Variants in CEP85L observed in about 807,000 individuals in gnomAD.
CEP85L encodes the protein centrosomal protein 85L.
In CEP85L, 60 loss-of-function variants were observed where a neutral mutation model predicts 100.3. The ratio of observed to expected loss-of-function variants is 0.60; its 90% CI spans 0.49 to 0.74. The LOEUF (loss-of-function observed/expected upper bound fraction) is 0.74, where lower values mean the gene tolerates loss of function less well. CEP85L is among the 30% of genes least tolerant of loss of function. The pLI, the probability that CEP85L is intolerant of heterozygous loss-of-function variation, is 0.00. For missense variants in CEP85L, 973 were observed against 936.2 expected (o/e 1.04, Z -0.51); for synonymous variants, 319 against 322.7 (o/e 0.99, Z 0.12).
chr6:118,528,395 T>C (rs984854603), intron 3 of CEP85L, among the ~76,000 whole-genome samples: 1 of 152,044 alleles, frequency 6.6e-6, no homozygotes, highest in African/African-American at 2.4e-5. Flanking sequence ...AAACAAAATA[T>C]GAGAATGTAT....
At chr6:118,666,319 C>T (rs1776132730) in intron 1 of CEP85L, among the ~76,000 whole-genome samples, 1 of 152,150 alleles carries the variant, frequency 6.6e-6, no homozygotes, top group African/African-American at 2.4e-5. Context: ...AAGCTATAGT[C>T]TGCTACAATT....
chr6:118,614,687 T>C (rs1772894428), intron 2 of CEP85L, among the ~76,000 whole-genome samples: 1 of 151,780 alleles, frequency 6.6e-6, no homozygotes, highest in African/African-American at 2.4e-5. Flanking sequence ...CTATTGAAAA[T>C]AAAAAAATTA....
chr6:118,503,634 A>T (rs909694384), intron 5 of CEP85L, among the ~76,000 whole-genome samples: 1 of 152,178 alleles, frequency 6.6e-6, no homozygotes, highest in African/African-American at 2.4e-5. Context: ...AATAGGACAC[A>T]TAAATATAGT....
At chr6:118,669,081 A>C (rs1290923812) in intron 1 of CEP85L, among the ~76,000 whole-genome samples, 7 of 152,254 alleles carry the variant, frequency 4.6e-5, no homozygotes, top group Non-Finnish European at 1.0e-4. Flanking sequence ...AGTGTCTCTA[A>C]AAATATATAG....
intron 1 of CEP85L, among the ~76,000 whole-genome samples, chr6:118,642,906 T>G (rs935260417): frequency 6.6e-6 from 1 of 152,144 alleles, no homozygotes; most frequent in Non-Finnish European, 1.5e-5. Flanking sequence ...AAAAAAGCTG[T>G]GTTCAAAAAA....
rs59278037 is a variant in CEP85L, at chr6:118,600,300, GGTGTGTGTGTGTGTGTGTGT to G, written c.232+32133_232+32152del. ...CTGCCTGTCCCTGAGCCTTCCTGGG[GGTGTGTGTGTGTGTGTGTGT>G]GTGTGTGTGTGTGTGTGTGTGTGTG... is the stretch of plus-strand genomic sequence containing the variant. On this transcript the variant is annotated intron_variant, in intron 2 of 12. Coordinates refer to ENST00000368491, the MANE Select transcript of CEP85L (RefSeq NM_001042475.3). Among the ~76,000 whole-genome samples the G allele has an allele frequency of 6.1e-4, 32 of 52,246 alleles. 5 individuals carry two copies. The highest frequency in any genetic ancestry group is 4.9e-3 in the South Asian group (7 of 1,420). 34.3% of individuals were successfully genotyped at this position (52,246 alleles called of 152,430 possible).
chr6:118,496,676 A>G (rs896182841), intron 5 of CEP85L, among the ~76,000 whole-genome samples: 8 of 152,150 alleles, frequency 5.3e-5, no homozygotes, highest in African/African-American at 1.9e-4. Flanking sequence ...TTCTAAAGGT[A>G]GATTACTGGC....
At chr6:118,626,665 T>C (rs988544754) in intron 2 of CEP85L, among the ~76,000 whole-genome samples, 3 of 152,298 alleles carry the variant, frequency 2.0e-5, no homozygotes, top group East Asian at 3.9e-4. Context: ...TTCCACACTG[T>C]AGAAGCTTTG....
chr6:118,596,940 CAT>C (rs1162375505), intron 2 of CEP85L, among the ~76,000 whole-genome samples: 3 of 152,214 alleles, frequency 2.0e-5, no homozygotes, highest in South Asian at 2.1e-4. Flanking sequence ...ATAATCCCCA[CAT>C]GTCGTGGGAG....
chr6:118,631,668 G>T (rs1347709101), intron 2 of CEP85L, among the ~76,000 whole-genome samples: 2 of 152,160 alleles, frequency 1.3e-5, no homozygotes, highest in Admixed American at 1.3e-4. Flanking sequence ...GTTGATACAT[G>T]TAACAACTGG....
At chr6:118,662,703 A>G (rs1015720827) in intron 1 of CEP85L, among the ~76,000 whole-genome samples, 3 of 152,194 alleles carry the variant, frequency 2.0e-5, no homozygotes, top group Non-Finnish European at 4.4e-5. Flanking sequence ...TAGCTATAGT[A>G]TATTAAAAAG....
chr6:118,551,319 C>T (rs1050557444), intron 3 of CEP85L, among the ~76,000 whole-genome samples: 2 of 151,694 alleles, frequency 1.3e-5, no homozygotes, highest in African/African-American at 4.8e-5. Context: ...TTTTCAACCC[C>T]CAACCCCCGC....
intron 1 of CEP85L, among the ~76,000 whole-genome samples, chr6:118,669,902 T>G (rs2115424012): frequency 6.6e-6 from 1 of 150,396 alleles, no homozygotes; most frequent in Non-Finnish European, 1.5e-5. Context: ...TCCCATAAGC[T>G]CTCTGGGCCC....
chr6:118,661,519 A>G (rs907655493), intron 1 of CEP85L, among the ~76,000 whole-genome samples: 7 of 152,116 alleles, frequency 4.6e-5, no homozygotes, highest in African/African-American at 1.4e-4. Context: ...AACTATTAAT[A>G]AATATTCAGA....
chr6:118,483,932 T>G (rs570152458), intron 6 of CEP85L, 74 bp from the exon 7 acceptor site: 3 of 1,325,650 alleles, frequency 2.3e-6, no homozygotes, highest in Non-Finnish European at 3.1e-6. Context: ...CACTTTAATA[T>G]TAGACACCAT....
intron 1 of CEP85L, among the ~76,000 whole-genome samples, chr6:118,640,274 T>C (rs1437548039): frequency 6.6e-5 from 10 of 152,154 alleles, no homozygotes; most frequent in Non-Finnish European, 8.8e-5. Context: ...GTACTATTTA[T>C]CTCTAGGGTA....
At position 118,565,832 on chromosome 6, in the gene CEP85L, G is replaced by C; in HGVS notation, c.717C>G (p.Asp239Glu). The C allele has an allele frequency of 6.2e-7, 1 of 1,614,000 alleles. No individual in the cohort carries two copies. The highest frequency in any genetic ancestry group is 8.5e-7 in the Non-Finnish European group (1 of 1,179,994). Residue 239 changes from aspartate to glutamate, a missense_variant, in exon 3 of 13, where the codon GAC (aspartate) becomes GAG (glutamate). Transcript: ENST00000368491. ...KYKFESCSKE[D>E]FRASSSTLRR... is the part of the protein sequence containing the mutation. ...TAAGAGTAGAGGAAGAGGCTCTAAA[G>C]TCCTCCTTGCTACAGCTCTCAAATT...
upstream of CEP85L, chr6:118,651,734 C>T (rs1299864610): frequency 6.1e-6 from 6 of 986,744 alleles, no homozygotes; most frequent in African/African-American, 1.7e-5. Context: ...TGAGCTACCC[C>T]GACCCCGCTT....
intron 1 of CEP85L, among the ~76,000 whole-genome samples, chr6:118,665,917 T>C (rs1401536630): frequency 1.3e-5 from 2 of 152,184 alleles, no homozygotes; most frequent in African/African-American, 4.8e-5. Flanking sequence ...CCCTGGTGTT[T>C]GTGTTCCCTT....
Sources: allele counts gnomAD v4.1 joint callset (sites outside exome capture counted in the v4.1 genomes callset), GRCh38; gene constraint gnomAD v4.1.1; transcripts MANE v1.5; gene names NCBI Gene and HGNC (gene_info 2026-07-23, HGNC 2026-07-21).